AKT2: variants seen among roughly 807,000 people sequenced by gnomAD.
AKT2 encodes the protein AKT serine/threonine kinase 2.
A neutral mutation model predicts 58.6 loss-of-function variants in AKT2; 16 were observed. That is an observed-to-expected ratio of 0.27 (90% CI 0.18 to 0.41). AKT2 has a LOEUF of 0.41. AKT2 is among the 10% of genes least tolerant of loss of function. The pLI is 1.00. For missense variants in AKT2, 438 were observed against 661.0 expected (o/e 0.66, Z 3.70); for synonymous variants, 253 against 254.0 (o/e 1.00, Z 0.04).
chr19:40,248,449 G>A (rs555940696), intron 4 of AKT2, among the ~76,000 whole-genome samples: 3 of 152,338 alleles, frequency 2.0e-5, no homozygotes, highest in South Asian at 2.1e-4. Flanking sequence ...GGGCCAAACA[G>A]GGAGACTCCT....
intron 3 of AKT2, 80 bp downstream of exon 3, chr19:40,256,846 G>T: frequency 6.2e-7 from 1 of 1,601,074 alleles, no homozygotes; most frequent in South Asian, 1.1e-5. Flanking sequence ...ATGGCTCAAT[G>T]ACCAAGTCCC....
At chr19:40,244,045 A>AAAT (rs1315757288) in intron 4 of AKT2, 2 of 108,118 alleles carry the variant, frequency 1.8e-5, no homozygotes, top group Non-Finnish European at 3.6e-5. Flanking sequence ...CTCCATCCCA[A>AAAT]AATAATAATA....
chr19:40,261,109 G>A (rs1383638802), intron 2 of AKT2, among the ~76,000 whole-genome samples: 1 of 152,242 alleles, frequency 6.6e-6, no homozygotes, highest in Admixed American at 6.5e-5. Context: ...GCTATGAATT[G>A]AATTGTCCCC....
Position 40,285,310 on chromosome 19 carries a change from C to T in AKT2, c.-214G>A, listed in dbSNP as rs1253098555. On this transcript the variant is annotated 5_prime_UTR_variant, in exon 1 of 14. Transcript: ENST00000392038. ...CCGGCAGCGGCAGCGGCGGCGGCGA[C>T]GCCTCCTCCGAGGCAGGCCCAACGG... The T allele has an allele frequency of 7.6e-6, 3 of 394,812 alleles. No individual in the cohort carries two copies. The highest frequency in any genetic ancestry group is 1.3e-5 in the Non-Finnish European group (3 of 223,580). 24.5% of individuals were successfully genotyped at this position (394,812 alleles called of 1,614,324 possible). A position where few individuals can be genotyped will look rare whatever the true frequency, so the allele number is the denominator to read the frequency against.
At chr19:40,240,312 A>C (rs775925547) in intron 6 of AKT2, 4 of 757,414 alleles carry the variant, frequency 5.3e-6, no homozygotes, top group Non-Finnish European at 7.3e-6. Flanking sequence ...TCTCAAAGCC[A>C]CAGGTGAAAA....
chr19:40,252,607 C>A (rs1158226293), intron 4 of AKT2, among the ~76,000 whole-genome samples: 1 of 151,704 alleles, frequency 6.6e-6, no homozygotes, highest in Admixed American at 6.6e-5. Flanking sequence ...GGGATCTCCA[C>A]CTGGAGTCCA....
In AKT2 at chr19:40,238,949, G is replaced by C. The variant is rs769554060; in HGVS notation, c.664C>G (p.His222Asp). Residue 222 changes from histidine (H) to aspartate (D), a missense_variant, in exon 8 of 14, where the codon CAC (histidine) becomes GAC (aspartate). His to Asp is a moderately conservative substitution (Grantham distance 81). Transcript: ENST00000392038. The surrounding 1 kb of genome is among the most constrained non-coding windows in gnomAD (Gnocchi z 5.1). ...LTALKYAFQTHDRLCFVMEYA... is the reference protein window; with the variant it reads ...LTALKYAFQTDDRLCFVMEYA... Reference sequence around the variant, plus strand: ...TCCATCACAAAGCACAGGCGGTCGTGGGTCTGGAAGGCATACTTCAGCGCC... The same window carrying C: ...TCCATCACAAAGCACAGGCGGTCGTCGGTCTGGAAGGCATACTTCAGCGCC... The C allele has an allele frequency of 6.2e-7, 1 of 1,614,086 alleles. No individual in the cohort carries two copies. Among genetic ancestry groups the C allele is most frequent in the Non-Finnish European group, 8.5e-7 (1 of 1,180,012 alleles).
chr19:40,234,318 A>C lies in AKT2; in HGVS notation c.1367-367T>G. ...CACGGGCAGCCAGGGGGGCTTTCTA[A>C]AGGCCTGCTTTAACCCTGTCCCTCT... On this transcript the variant is annotated intron_variant, in intron 13 of 13. Coordinates refer to ENST00000392038, the MANE Select transcript of AKT2 (RefSeq NM_001626.6). The surrounding 1 kb of genome is among the most constrained non-coding windows in gnomAD (Gnocchi z 4.7). The C allele has an allele frequency of 3.3e-6, 1 of 300,498 alleles. No individual in the cohort carries two copies. Among genetic ancestry groups the C allele is most frequent in the Non-Finnish European group, 6.2e-6 (1 of 160,344 alleles). 18.6% of individuals were successfully genotyped at this position (300,498 alleles called of 1,614,324 possible).
chr19:40,280,384 T>A (rs980083188), intron 1 of AKT2, among the ~76,000 whole-genome samples: 46 of 152,234 alleles, frequency 3.0e-4, no homozygotes, highest in Middle Eastern at 3.4e-3. Flanking sequence ...CCCTCAGGCC[T>A]TTGCTGGCTG....
chr19:40,273,522 AAGAG>A (rs538566243), intron 1 of AKT2: 5 of 151,150 alleles, frequency 3.3e-5, no homozygotes, highest in African/African-American at 7.3e-5. Context: ...AAAAAAAAAA[AAGAG>A]AGAGACTTTT....
chr19:40,280,339 G>A (rs977268261), intron 1 of AKT2, among the ~76,000 whole-genome samples: 4 of 152,186 alleles, frequency 2.6e-5, no homozygotes, highest in African/African-American at 9.6e-5. Context: ...ACGGGCTCTG[G>A]AGAACACGGT....
At chr19:40,284,976 G>A (rs1600130477) in intron 1 of AKT2, 3 of 364,414 alleles carry the variant, frequency 8.2e-6, no homozygotes, top group East Asian at 4.0e-5. Flanking sequence ...CGCCTCAGTG[G>A]TATGGCCCGC....
intron 4 of AKT2, among the ~76,000 whole-genome samples, chr19:40,246,710 C>G (rs994905484): frequency 6.6e-6 from 1 of 152,168 alleles, no homozygotes; most frequent in South Asian, 2.1e-4. Flanking sequence ...GGAGAGAACC[C>G]AAATACATGA....
intron 2 of AKT2, 29 bp from the exon 3 acceptor site, chr19:40,257,083 A>G (rs1238026584): frequency 6.2e-7 from 1 of 1,612,902 alleles, no homozygotes; most frequent in African/African-American, 1.3e-5. Flanking sequence ...GGAGGGAGAG[A>G]GGTTAGGACA....
chr19:40,280,442 C>CCTGCT (rs1220285243), intron 1 of AKT2, among the ~76,000 whole-genome samples: 2 of 152,158 alleles, frequency 1.3e-5, no homozygotes, highest in Non-Finnish European at 2.9e-5. Flanking sequence ...TGTGAAACGC[C>CCTGCT]CTGCTCCGCT....
In AKT2 at chr19:40,232,959, C is replaced by T. The variant is rs562661491; in HGVS notation, c.*913G>A. 1 of 216,880 alleles carries T rather than the reference C, an allele frequency of 4.6e-6. No homozygotes were observed. The highest frequency in any genetic ancestry group is 2.3e-5 in the African/African-American group (1 of 43,638). The allele number at this position is 216,880 out of a possible 1,614,324, so 13.4% of individuals were successfully genotyped here. A position where few individuals can be genotyped will look rare whatever the true frequency, so the allele number is the denominator to read the frequency against. ...CACCCCCACCCCTCCCTGACCAAGT[C>T]CATGGGGCCCAATACTGTCCGGTGT... On this transcript the variant is annotated 3_prime_UTR_variant, in exon 14 of 14. Coordinates refer to ENST00000392038, the MANE Select transcript of AKT2 (RefSeq NM_001626.6).
In AKT2 at chr19:40,285,120, G is replaced by T. The variant is rs1167038956; in HGVS notation, c.-85+61C>A. ...GTGGTACAGCCCATCGCGGCACCGC[G>T]GGGGGCCCGGACGCGACCATCGTGG... On this transcript the variant is annotated intron_variant, in intron 1 of 13. Coordinates refer to ENST00000392038, the MANE Select transcript of AKT2 (RefSeq NM_001626.6). 11 of 389,206 alleles carry T rather than the reference G, an allele frequency of 2.8e-5. No homozygotes were observed. In the East Asian group the frequency reaches 3.3e-4, roughly 12 times the overall value. The allele number at this position is 389,206 out of a possible 1,614,324, so 24.1% of individuals were successfully genotyped here. A position where few individuals can be genotyped will look rare whatever the true frequency, so the allele number is the denominator to read the frequency against.
At chr19:40,253,086 T>C (rs1315204494) in intron 4 of AKT2, among the ~76,000 whole-genome samples, 1 of 152,190 alleles carries the variant, frequency 6.6e-6, no homozygotes, top group Non-Finnish European at 1.5e-5. Context: ...CATATGTGGC[T>C]CTTTAAATCA....
At chr19:40,256,432 G>A (rs1279714142) in intron 3 of AKT2, among the ~76,000 whole-genome samples, 2 of 152,200 alleles carry the variant, frequency 1.3e-5, no homozygotes, top group African/African-American at 4.8e-5. Context: ...ATTCTCCAAG[G>A]CTCAGTCAAG....
Sources: gnomAD v4.1 joint callset for allele counts (sites outside exome capture counted in the v4.1 genomes callset) on GRCh38, gnomAD v4.1.1 for gene constraint, Gnocchi (gnomAD v3.1) non-coding constraint, MANE v1.5 for transcripts, NCBI Gene and HGNC (gene_info 2026-07-23, HGNC 2026-07-21) for gene names.